The following DELE1 variants were observed in gnomAD, a reference collection of about 807,000 sequenced individuals.
DELE1 encodes DAP3 binding cell death enhancer 1.
DELE1 carries 54 observed loss-of-function variants against 59.3 expected under a neutral mutation model. The observed-to-expected ratio is 0.91, with a 90% CI of 0.73 to 1.14. The LOEUF is 1.14. DELE1 is among the 50% of genes most tolerant of loss of function. The probability of loss-of-function intolerance (pLI) is 0.00; values close to 1 mark genes in which losing one functional copy is unlikely to be tolerated. For synonymous variants in DELE1, 264 were observed against 259.1 expected, an observed-to-expected ratio of 1.02 and a Z score of -0.18; for missense variants, 636 against 643.9, an observed-to-expected ratio of 0.99 and a Z score of 0.13.
At position 141,934,593 on chromosome 5, in the gene DELE1, G is replaced by T; in HGVS notation, c.1149+7G>T. On this transcript the variant is annotated splice_region_variant and intron_variant, in intron 10 of 11. Coordinates refer to ENST00000432126, the MANE Select transcript of DELE1 (RefSeq NM_014773.5). ...GCTTGCAGCCAACAATGGGGTATGC[G>T]ATCTCAGTGGACAAGCATGTTGGGG... 1 of 1,612,318 alleles carries T rather than the reference G, an allele frequency of 6.2e-7. No homozygotes were observed. The highest frequency in any genetic ancestry group is 8.5e-7 in the Non-Finnish European group (1 of 1,178,296).
At chr5:141,937,423 G>T in intron 11 of DELE1, 66 bp downstream of exon 11, 1 of 1,553,296 alleles carries the variant, frequency 6.4e-7, no homozygotes, top group Non-Finnish European at 8.8e-7. Context: ...CAGATAAGTA[G>T]GTAGCAGTAG....
intron 10 of DELE1, among the ~76,000 whole-genome samples, chr5:141,936,505 G>A (rs1441221262): frequency 1.3e-5 from 2 of 152,114 alleles, no homozygotes; most frequent in Non-Finnish European, 1.5e-5. Context: ...CGCGATCTCA[G>A]CGCACTGCAA....
rs761073958 is a variant in DELE1, at chr5:141,937,314, C to T, written c.1266C>T (p.Ala422=). 3.3e-5 allele frequency: 53 copies of T among 1,614,148 alleles called. No homozygotes were observed. Among genetic ancestry groups the T allele is most frequent in the South Asian group, 7.7e-5 (7 of 91,070 alleles). The change falls in exon 11 of 12, where the codon GCC becomes GCT. Residue 422 remains alanine, a synonymous_variant. Coordinates refer to ENST00000432126, the MANE Select transcript of DELE1 (RefSeq NM_014773.5). ...AGTCAGCCGCTCTGGGAAATGAGGC[C>T]GCCCAGGAGAGGCTGCGAGCCCTCT... ...YQQSAALGNE[A]AQERLRALFS...
chr5:141,938,639 C>T lies in DELE1; in HGVS notation c.1428C>T (p.Gly476=). The T allele has an allele frequency of 6.2e-7, 1 of 1,614,170 alleles. No homozygotes were observed. Among genetic ancestry groups the T allele is most frequent in the South Asian group, 1.1e-5 (1 of 91,082 alleles). ...GCCTACCACATGCCTCGAGCACAGG[C>T]AACCTTGGCCTCCTCTGCAGAAGTG... ...TSRLPHASST[G]NLGLLCRSGH... The change falls in exon 12 of 12, where the codon GGC becomes GGT. Residue 476 remains glycine (G), a synonymous_variant. Transcript: ENST00000432126.
intron 8 of DELE1, 27 bp from the exon 9 acceptor site, chr5:141,934,213 G>T: frequency 6.4e-7 from 1 of 1,572,666 alleles, no homozygotes; most frequent in South Asian, 1.1e-5. Flanking sequence ...GTTGCCAGCC[G>T]ACTGGGTGTT....
Position 141,941,198 on chromosome 5 carries a change from G to T in DELE1, c.*2439G>T. Reference sequence around the variant, plus strand: ...TAGCCATAGCTGGGGCCGAGGGCTGGTTCACAGTCTGGCCACTGGGCGTCC... The same window carrying T: ...TAGCCATAGCTGGGGCCGAGGGCTGTTTCACAGTCTGGCCACTGGGCGTCC... On this transcript the variant is annotated 3_prime_UTR_variant, in exon 12 of 12. Coordinates refer to ENST00000432126, the MANE Select transcript of DELE1 (RefSeq NM_014773.5). 1.0e-6 allele frequency: 1 copy of T among 985,466 alleles called. No individual in the cohort carries two copies. Among genetic ancestry groups the T allele is most frequent in the Non-Finnish European group, 1.2e-6 (1 of 829,970 alleles). 61.0% of individuals were successfully genotyped at this position (985,466 alleles called of 1,614,324 possible).
chr5:141,935,029 A>G (rs1752246996), intron 10 of DELE1: 1 of 166,120 alleles, frequency 6.0e-6, no homozygotes. Context: ...TCAAAATCTA[A>G]CTGAGATAAC....
chr5:141,929,464 G>T, intron 4 of DELE1, 118 bp from the exon 5 acceptor site: 1 of 1,027,192 alleles, frequency 9.7e-7, no homozygotes, highest in Non-Finnish European at 1.4e-6. Flanking sequence ...TGGCCAGGCT[G>T]GTCTTGAACT....
rs962448863 is a variant in DELE1, at chr5:141,941,161, A to C, written c.*2402A>C. On this transcript the variant is annotated 3_prime_UTR_variant, in exon 12 of 12. Coordinates refer to ENST00000432126, the MANE Select transcript of DELE1 (RefSeq NM_014773.5). ...CTCTGTGGTCATTTTGGATTTTCTG[A>C]CTACTTCCTTCTAGCCATAGCTGGG... The C allele has an allele frequency of 2.2e-5, 22 of 985,218 alleles. No individual in the cohort carries two copies. The highest frequency in any genetic ancestry group is 2.7e-5 in the Non-Finnish European group (22 of 829,922). 61.0% of individuals were successfully genotyped at this position (985,218 alleles called of 1,614,324 possible). A position where few individuals can be genotyped will look rare whatever the true frequency, so the allele number is the denominator to read the frequency against.
chr5:141,931,229 C>T (rs929737655), intron 7 of DELE1: 7 of 151,960 alleles, frequency 4.6e-5, no homozygotes, highest in Non-Finnish European at 1.0e-4. Context: ...ACAGTAAGCG[C>T]GAAAATCCTG....
rs1596584078 is a variant in DELE1 at position 141,924,655 on chromosome 5, A to G, written c.106A>G (p.Thr36Ala). 6.2e-7 allele frequency: 1 copy of G among 1,613,442 alleles called. No individual in the cohort carries two copies. The highest frequency in any genetic ancestry group is 1.1e-5 in the South Asian group (1 of 91,058). ...KSTSPDGPQT[T>A]SSTLLVPVPN... ...CACCAGCCCAGATGGGCCTCAGACTACCTCCTCCACTTTGCTGGTTCCTGT... is the reference window on the plus strand; with the variant it reads ...CACCAGCCCAGATGGGCCTCAGACTGCCTCCTCCACTTTGCTGGTTCCTGT... Residue 36 changes from threonine (T) to alanine (A), a missense_variant, in exon 2 of 12, where the codon ACC (threonine) becomes GCC (alanine). Physicochemically the swap from Thr to Ala is moderately conservative, Grantham distance 58 (BLOSUM62 0). Transcript: ENST00000432126.
At chr5:141,937,026 G>A in intron 10 of DELE1, 172 bp from the exon 11 acceptor site, 1 of 1,489,930 alleles carries the variant, frequency 6.7e-7, no homozygotes, top group Non-Finnish European at 8.9e-7. Context: ...TGAGCTCTGA[G>A]CCTCTGGCAT....
At chr5:141,931,614 A>G (rs557057220) in intron 7 of DELE1, among the ~76,000 whole-genome samples, 1 of 152,242 alleles carries the variant, frequency 6.6e-6, no homozygotes, top group East Asian at 1.9e-4. Flanking sequence ...GAAAGAAGAG[A>G]GCAAGAAGAG....
At chr5:141,927,415 A>AAT (rs1378216163) in intron 3 of DELE1, among the ~76,000 whole-genome samples, 1 of 152,192 alleles carries the variant, frequency 6.6e-6, no homozygotes, top group Non-Finnish European at 1.5e-5. Context: ...GCTGGTCTTC[A>AAT]ACTCCTGGCC....
In DELE1 at chr5:141,929,716, C is replaced by T. The variant is rs781775516; in HGVS notation, c.547C>T (p.Arg183Cys). Residue 183 changes from arginine (R) to cysteine (C), a missense_variant, in exon 5 of 12, where the codon CGT (arginine) becomes TGT (cysteine). By Grantham distance (180) the Arg-to-Cys change is radical. Transcript: ENST00000432126. ...CTCACACAACTCTTTGAGAGGAGCT[C>T]GTCCTCAGGACCCCTCTGAGGAAGG... ...NFSHNSLRGA[R>C]PQDPSEEGPG... 2.2e-5 allele frequency: 36 copies of T among 1,614,184 alleles called. No individual in the cohort carries two copies. Among genetic ancestry groups the T allele is most frequent in the African/African-American group, 4.0e-5 (3 of 75,046 alleles).
chr5:141,924,017 C>A (rs779730600), intron 1 of DELE1, 45 bp downstream of exon 1: 14 of 1,595,616 alleles, frequency 8.8e-6, no homozygotes, highest in Admixed American at 1.8e-5. Flanking sequence ...GCCGCAAAGA[C>A]CGAACTGGAG....
At position 141,941,845 on chromosome 5, in the gene DELE1, A is replaced by G; in HGVS notation, c.*3086A>G. 1.2e-5 allele frequency: 12 copies of G among 985,382 alleles called. No individual in the cohort carries two copies. The highest frequency in any genetic ancestry group is 1.3e-5 in the Non-Finnish European group (11 of 829,918). The allele number at this position is 985,382 out of a possible 1,614,324, so 61.0% of individuals were successfully genotyped here. ...GATTATACTCAACTCCCCCCACCCA[A>G]TGCCCAGCACCAAGCCTACCCAGCA... is the stretch of plus-strand genomic sequence containing the variant. On this transcript the variant is annotated 3_prime_UTR_variant, in exon 12 of 12. Coordinates refer to ENST00000432126, the MANE Select transcript of DELE1 (RefSeq NM_014773.5).
At position 141,937,296 on chromosome 5, in the gene DELE1, C is replaced by T. The variant is rs569705414; in HGVS notation, c.1248C>T (p.Ala416=). The change falls in exon 11 of 12, where the codon GCC becomes GCT. Residue 416 remains alanine, a synonymous_variant. Transcript: ENST00000432126. ...GEALRCYQQS[A]ALGNEAAQER... Reference sequence around the variant, plus strand: ...CCTTGAGATGTTACCAGCAGTCAGCCGCTCTGGGAAATGAGGCCGCCCAGG... The same window carrying T: ...CCTTGAGATGTTACCAGCAGTCAGCTGCTCTGGGAAATGAGGCCGCCCAGG... The T allele has an allele frequency of 3.7e-5, 60 of 1,614,192 alleles. No individual in the cohort carries two copies. The East Asian group carries it at 3.8e-4, about 10-fold the overall frequency.
At chr5:141,927,736 A>AT (rs1230129134) in intron 3 of DELE1, among the ~76,000 whole-genome samples, 1 of 152,172 alleles carries the variant, frequency 6.6e-6, no homozygotes, top group Non-Finnish European at 1.5e-5. Context: ...ACCTGTTGCT[A>AT]TATTTGCAAC....
Sources: allele counts gnomAD v4.1 joint callset (sites outside exome capture counted in the v4.1 genomes callset), GRCh38; gene constraint gnomAD v4.1.1; transcripts MANE v1.5; gene names NCBI Gene and HGNC (gene_info 2026-07-23, HGNC 2026-07-21).